VWC2: variants seen among roughly 807,000 people sequenced by gnomAD.
VWC2 encodes von Willebrand factor C domain containing 2, also known as brorin.
Under a neutral mutation model 29.8 loss-of-function variants are expected in VWC2, and 14 were observed. That is an observed-to-expected ratio of 0.47 (90% CI 0.31 to 0.74). The LOEUF (loss-of-function observed/expected upper bound fraction) is 0.74, where lower values mean the gene tolerates loss of function less well. Ranked by LOEUF, VWC2 falls within the 30% of genes least tolerant of loss-of-function variation. The probability of loss-of-function intolerance (pLI) is 0.05; values close to 1 mark genes in which losing one functional copy is unlikely to be tolerated. For synonymous variants in VWC2, 213 were observed against 199.0 expected (o/e 1.07, Z -0.59); for missense variants, 457 against 459.8 (o/e 0.99, Z 0.05).
rs1056063369 is a variant in VWC2, at chr7:49,774,013, C to G, written c.-204C>G. The G allele has an allele frequency of 2.6e-5, 4 of 151,870 alleles. No homozygotes were observed. The highest frequency in any genetic ancestry group is 6.6e-5 in the Admixed American group (1 of 15,248). The allele number at this position is 151,870 out of a possible 1,614,324, so 9.4% of individuals were successfully genotyped here. On this transcript the variant is annotated 5_prime_UTR_variant, in exon 1 of 4. Coordinates refer to ENST00000340652, the MANE Select transcript of VWC2 (RefSeq NM_198570.5). ...TAGTGGTCCGCCCCACGCGGGTCGC[C>G]GGCCGGCCCAGGATGGGCGCTGGCA...
chr7:49,826,555 A>C (rs1254603361), intron 3 of VWC2, among the ~76,000 whole-genome samples: 1 of 152,216 alleles, frequency 6.6e-6, no homozygotes, highest in East Asian at 1.9e-4. Context: ...TGTATGTCCT[A>C]AAAAATTTCA....
At chr7:49,905,137 T>C (rs189130610) in intron 3 of VWC2, among the ~76,000 whole-genome samples, 1 of 152,348 alleles carries the variant, frequency 6.6e-6, no homozygotes, top group East Asian at 1.9e-4. Flanking sequence ...GGTCCACATT[T>C]ATACAGCTTA....
intron 2 of VWC2, among the ~76,000 whole-genome samples, chr7:49,789,310 TGTGGGTGTAG>T (rs1788408113): frequency 8.7e-6 from 1 of 114,584 alleles, no homozygotes; most frequent in African/African-American, 3.4e-5. Context: ...GGTGTGTGAG[TGTGGGTGTAG>T]GTGTGTGTGG....
intron 3 of VWC2, among the ~76,000 whole-genome samples, chr7:49,877,481 AAT>A (rs1220691094): frequency 0.027 from 342 of 12,730 alleles, 13 homozygotes; most frequent in Admixed American, 0.045. Context: ...AAAAAAAAAA[AAT>A]ATATATATAT....
chr7:49,828,619 G>A (rs545437720), intron 3 of VWC2, among the ~76,000 whole-genome samples: 81 of 152,218 alleles, frequency 5.3e-4, no homozygotes, highest in African/African-American at 1.8e-3. Context: ...GTGCTACTGC[G>A]TAGTTAGACT....
intron 3 of VWC2, among the ~76,000 whole-genome samples, chr7:49,900,761 T>A (rs537605753): frequency 1.3e-5 from 2 of 151,974 alleles, no homozygotes; most frequent in East Asian, 3.9e-4. Context: ...TATTTTACAA[T>A]TTCTTTCAGC....
chr7:49,835,238 C>T (rs1001432487), intron 3 of VWC2, among the ~76,000 whole-genome samples: 2 of 152,190 alleles, frequency 1.3e-5, no homozygotes, highest in Non-Finnish European at 2.9e-5. Context: ...CAGAGCCCAC[C>T]TAGCAAGTGG....
chr7:49,833,813 A>G (rs1285254467), intron 3 of VWC2, among the ~76,000 whole-genome samples: 1 of 152,196 alleles, frequency 6.6e-6, no homozygotes, highest in Non-Finnish European at 1.5e-5. Context: ...CCTGAAAAAC[A>G]ATGTAAGCAA....
intron 3 of VWC2, among the ~76,000 whole-genome samples, chr7:49,826,828 C>T (rs1789403594): frequency 6.6e-6 from 1 of 152,088 alleles, no homozygotes; most frequent in Non-Finnish European, 1.5e-5. Flanking sequence ...GTTTAACAGA[C>T]TCTGGCCCCT....
At chr7:49,837,164 T>A (rs1330585262) in intron 3 of VWC2, among the ~76,000 whole-genome samples, 2 of 152,222 alleles carry the variant, frequency 1.3e-5, no homozygotes, top group Non-Finnish European at 2.9e-5. Context: ...TCCATAGAGA[T>A]GTGCAGACTT....
chr7:49,804,561 G>A (rs1335265187), intron 3 of VWC2, among the ~76,000 whole-genome samples: 3 of 152,150 alleles, frequency 2.0e-5, no homozygotes, highest in African/African-American at 7.2e-5. Flanking sequence ...TTTGATTATA[G>A]ACTAAGTCTT....
At chr7:49,869,185 A>G (rs960179194) in intron 3 of VWC2, among the ~76,000 whole-genome samples, 3 of 152,192 alleles carry the variant, frequency 2.0e-5, no homozygotes, top group African/African-American at 4.8e-5. Flanking sequence ...TGAATAAAAC[A>G]TGGTATCCTA....
intron 3 of VWC2, among the ~76,000 whole-genome samples, chr7:49,899,479 A>G (rs1048534987): frequency 1.3e-5 from 2 of 152,072 alleles, no homozygotes; most frequent in Non-Finnish European, 1.5e-5. Flanking sequence ...ATGGATGGAT[A>G]AAGTTACACC....
chr7:49,819,793 T>C (rs958539283), intron 3 of VWC2, among the ~76,000 whole-genome samples: 9 of 152,176 alleles, frequency 5.9e-5, no homozygotes, highest in African/African-American at 2.2e-4. Context: ...TAGTTTGTGA[T>C]GCTTGTTAGT....
rs1243026613 is a variant in VWC2, at chr7:49,912,288, G to T, written c.*103G>T. The T allele has an allele frequency of 2.5e-6, 3 of 1,204,536 alleles. No homozygotes were observed. The highest frequency in any genetic ancestry group is 3.4e-6 in the Non-Finnish European group (3 of 888,236). 74.6% of individuals were successfully genotyped at this position (1,204,536 alleles called of 1,614,324 possible). On this transcript the variant is annotated 3_prime_UTR_variant, in exon 4 of 4. Transcript: ENST00000340652. ...ATCAGTCAAAGAAGACTTTTGATGA[G>T]GAATAATGGAAAATTGTTGGTACTT...
chr7:49,781,382 G>T (rs959700584), intron 2 of VWC2, among the ~76,000 whole-genome samples: 2 of 152,100 alleles, frequency 1.3e-5, no homozygotes, highest in Non-Finnish European at 2.9e-5. Context: ...AAGTATGATA[G>T]AATTAACACC....
intron 3 of VWC2, among the ~76,000 whole-genome samples, chr7:49,879,775 C>A (rs1791592902): frequency 6.6e-6 from 1 of 151,958 alleles, no homozygotes; most frequent in Non-Finnish European, 1.5e-5. Context: ...GCTATCTTGG[C>A]TAATTTTATT....
chr7:49,843,088 C>A (rs970889485), intron 3 of VWC2, among the ~76,000 whole-genome samples: 3 of 152,130 alleles, frequency 2.0e-5, no homozygotes, highest in Non-Finnish European at 2.9e-5. Context: ...CTCCAGCAGT[C>A]CCCAGTGTCT....
chr7:49,907,822 G>C (rs1403566439), intron 3 of VWC2, among the ~76,000 whole-genome samples: 1 of 152,168 alleles, frequency 6.6e-6, no homozygotes, highest in Admixed American at 6.5e-5. Context: ...TAAAGACCTG[G>C]AATCAATAGA....
Sources: allele counts gnomAD v4.1 joint callset (sites outside exome capture counted in the v4.1 genomes callset), GRCh38; gene constraint gnomAD v4.1.1; transcripts MANE v1.5; gene names NCBI Gene and HGNC (gene_info 2026-07-23, HGNC 2026-07-21).